SLC9C1: variants seen among roughly 807,000 people sequenced by gnomAD.
SLC9C1 encodes the protein sodium/hydrogen exchanger 10.
Under a neutral mutation model 140.9 loss-of-function variants are expected in SLC9C1, and 97 were observed. The ratio of observed to expected loss-of-function variants is 0.69; its 90% CI spans 0.58 to 0.82. The LOEUF (loss-of-function observed/expected upper bound fraction) is 0.82. Ranked by LOEUF, SLC9C1 falls within the 40% of genes least tolerant of loss-of-function variation. The pLI is 0.00. For synonymous variants in SLC9C1, 440 were observed against 442.6 expected (o/e 0.99, Z 0.07); for missense variants, 1,340 against 1,389.3 (o/e 0.96, Z 0.56).
chr3:112,286,722 A>C lies in SLC9C1; in HGVS notation c.70T>G (p.Leu24Val). ...DLPEVILTLS[L>V]ISSIGAFLNR... ...TACTTACCTCCAATGGAGCTGATCA[A>C]AGACAATGTTAGAATGACTTCAGGG... The change falls in exon 2 of 29, where the codon TTG becomes GTG. Residue 24 changes from leucine (L) to valine (V), a missense_variant. Transcript: ENST00000305815. 1.9e-6 allele frequency: 3 copies of C among 1,612,952 alleles called. No individual in the cohort carries two copies. Among genetic ancestry groups the C allele is most frequent in the Non-Finnish European group, 2.5e-6 (3 of 1,179,546 alleles).
intron 12 of SLC9C1, among the ~76,000 whole-genome samples, chr3:112,235,278 T>C (rs200257091): frequency 0.11 from 11,293 of 99,332 alleles, 638 homozygotes; most frequent in East Asian, 0.16. Flanking sequence ...CTCTGTTTGT[T>C]TGTTATTGGT....
At chr3:112,221,287 C>T in intron 13 of SLC9C1, 62 bp from the exon 14 acceptor site, 5 of 1,372,156 alleles carry the variant, frequency 3.6e-6, no homozygotes, top group Non-Finnish European at 5.1e-6. Flanking sequence ...TTATTACAAT[C>T]TTGATGGGAA....
At chr3:112,263,555 T>G (rs1009841364) in intron 9 of SLC9C1, among the ~76,000 whole-genome samples, 14 of 151,974 alleles carry the variant, frequency 9.2e-5, no homozygotes, top group Admixed American at 3.3e-4. Context: ...TCCTATGTTT[T>G]ACACTAATTT....
intron 28 of SLC9C1, chr3:112,151,275 C>G: frequency 2.0e-6 from 1 of 504,700 alleles, no homozygotes; most frequent in South Asian, 1.5e-5. Flanking sequence ...ACATTTTGAA[C>G]AGTTAACTGT....
chr3:112,288,042 C>CAAAAA (rs11462109), intron 1 of SLC9C1, among the ~76,000 whole-genome samples: 12 of 81,794 alleles, frequency 1.5e-4, no homozygotes, highest in African/African-American at 2.6e-4. Flanking sequence ...GACTCCGTCT[C>CAAAAA]AAAAAAAAAA....
At chr3:112,275,837 C>T (rs1178686088) in intron 5 of SLC9C1, among the ~76,000 whole-genome samples, 1 of 152,124 alleles carries the variant, frequency 6.6e-6, no homozygotes. Flanking sequence ...TGTATCTATG[C>T]CCTTCGCTGT....
chr3:112,238,758 G>T (rs2079061154), intron 12 of SLC9C1, among the ~76,000 whole-genome samples: 1 of 152,210 alleles, frequency 6.6e-6, no homozygotes, highest in Non-Finnish European at 1.5e-5. Flanking sequence ...AGCAGCAGAG[G>T]CTGCAGAACA....
chr3:112,213,633 G>T (rs1297867000), intron 15 of SLC9C1, among the ~76,000 whole-genome samples: 1 of 152,108 alleles, frequency 6.6e-6, no homozygotes, highest in Non-Finnish European at 1.5e-5. Flanking sequence ...ATGGTAAAGG[G>T]ATCAATTCAA....
Position 112,282,078 on chromosome 3 carries a change from G to A in SLC9C1, c.89-1295C>T, listed in dbSNP as rs556191621. On this transcript the variant is annotated intron_variant, in intron 2 of 28. Transcript: ENST00000305815. The stretch of plus-strand genomic sequence containing the variant: ...AGACACACCTTACACAATTCTGACC[G>A]GAAAAGTTCAACAAACTTTACACCT... Among the ~76,000 whole-genome samples, 13 of 152,184 alleles carry A rather than the reference G, an allele frequency of 8.5e-5. No individual in the cohort carries two copies. The South Asian group carries it at 1.5e-3, about 17-fold the overall frequency.
rs1476362885 is a variant in SLC9C1, at chr3:112,231,398, A to C, written c.1535T>G (p.Met512Arg). 6.2e-7 allele frequency: 1 copy of C among 1,613,446 alleles called. No homozygotes were observed. The highest frequency in any genetic ancestry group is 1.1e-5 in the South Asian group (1 of 91,032). The part of the protein sequence containing the change: ...EIDEIFNTEA[M>R]ELANRRLLSA... Reference sequence around the variant, plus strand: ...CAAGAGACGCCTGTTGGCCAGCTCCATTGCTTCAGTGTTAAAGATCTCATC... The same window carrying C: ...CAAGAGACGCCTGTTGGCCAGCTCCCTTGCTTCAGTGTTAAAGATCTCATC... Residue 512 changes from methionine to arginine, a missense_variant, in exon 13 of 29, where the codon ATG becomes AGG. Physicochemically the swap from Met to Arg is moderately conservative, Grantham distance 91. Coordinates refer to ENST00000305815, the MANE Select transcript of SLC9C1 (RefSeq NM_183061.3).
At chr3:112,230,970 A>G (rs1026238733) in intron 13 of SLC9C1, among the ~76,000 whole-genome samples, 3 of 152,172 alleles carry the variant, frequency 2.0e-5, no homozygotes, top group Non-Finnish European at 4.4e-5. Context: ...GGGCAATATC[A>G]CAGAACTGAT....
intron 13 of SLC9C1, among the ~76,000 whole-genome samples, chr3:112,223,611 G>C (rs760738013): frequency 6.6e-6 from 1 of 151,744 alleles, no homozygotes; most frequent in Non-Finnish European, 1.5e-5. Context: ...AAGAAACAAA[G>C]AAAGGAAAGC....
intron 15 of SLC9C1, among the ~76,000 whole-genome samples, chr3:112,214,767 T>A (rs954909317): frequency 1.3e-5 from 2 of 152,222 alleles, no homozygotes; most frequent in Admixed American, 6.5e-5. Context: ...CACAGCCGAA[T>A]TCTACCAGAG....
rs2074608337 is a variant in SLC9C1, at chr3:112,141,142, T to G, written c.*130A>C. On this transcript the variant is annotated 3_prime_UTR_variant, in exon 29 of 29. Transcript: ENST00000305815. ...TTCAAGGTCCAAATTTCTTTTCTGC[T>G]TAGCACCAAGATCATCCACACAGGA... 4.1e-6 allele frequency: 4 copies of G among 984,406 alleles called. No individual in the cohort carries two copies. The highest frequency in any genetic ancestry group is 5.5e-6 in the Non-Finnish European group (4 of 721,252). The allele number at this position is 984,406 out of a possible 1,614,324, so 61.0% of individuals were successfully genotyped here. A position where few individuals can be genotyped will look rare whatever the true frequency, so the allele number is the denominator to read the frequency against.
Position 112,177,006 on chromosome 3 carries a change from T to TC in SLC9C1, c.2919+2524_2919+2525insG, listed in dbSNP as rs142500497. ...CCTGGTGTCTCTCTCTCTCTCTCTC[T>TC]TTTTTTTTTTTTTTTTTGGTGATAG... On this transcript the variant is annotated intron_variant, in intron 23 of 28. Transcript: ENST00000305815. 2.3e-3 allele frequency among the ~76,000 whole-genome samples: 109 copies of TC among 46,414 alleles called. No individual in the cohort carries two copies. The East Asian group carries it at 0.06, about 26-fold the overall frequency. 30.4% of individuals were successfully genotyped at this position (46,414 alleles called of 152,430 possible).
Position 112,167,348 on chromosome 3 carries a change from C to A in SLC9C1, c.3238-1G>T. 1 of 1,580,744 alleles carries A rather than the reference C, an allele frequency of 6.3e-7. No individual in the cohort carries two copies. Among genetic ancestry groups the A allele is most frequent in the Non-Finnish European group, 8.6e-7 (1 of 1,166,264 alleles). ...TTGTGAAATCTTCAATACTTTGTAT[C>A]TGAAAGTTGACAGAATGCAAGTTAA... On this transcript the variant is annotated splice_acceptor_variant, in intron 25 of 28. Coordinates refer to ENST00000305815, the MANE Select transcript of SLC9C1 (RefSeq NM_183061.3). LOFTEE classifies it high-confidence loss of function.
intron 13 of SLC9C1, among the ~76,000 whole-genome samples, chr3:112,224,020 T>G (rs4234411): frequency 0.76 from 114,846 of 152,058 alleles, 43,779 homozygotes; most frequent in East Asian, 0.99. Flanking sequence ...GTCCTCAAAG[T>G]AGTAGCACCT....
At chr3:112,197,528 A>C (rs2077797817) in intron 20 of SLC9C1, among the ~76,000 whole-genome samples, 1 of 152,136 alleles carries the variant, frequency 6.6e-6, no homozygotes, top group Non-Finnish European at 1.5e-5. Context: ...AGGGGTGAGG[A>C]GTAGCTATTA....
At chr3:112,284,419 T>G (rs906973438) in intron 2 of SLC9C1, among the ~76,000 whole-genome samples, 1 of 152,206 alleles carries the variant, frequency 6.6e-6, no homozygotes, top group Non-Finnish European at 1.5e-5. Flanking sequence ...GAATATATTA[T>G]TACCAGTAAA....
Sources: gnomAD v4.1 joint callset for allele counts (sites outside exome capture counted in the v4.1 genomes callset) on GRCh38, gnomAD v4.1.1 for gene constraint, MANE v1.5 for transcripts, NCBI Gene and HGNC (gene_info 2026-07-23, HGNC 2026-07-21) for gene names.